NUP43: variants seen among roughly 807,000 people sequenced by gnomAD.
NUP43 encodes nucleoporin 43.
NUP43 carries 32 observed loss-of-function variants against 47.3 expected under a neutral mutation model. That is an observed-to-expected ratio of 0.68 (90% CI 0.51 to 0.91). The LOEUF (loss-of-function observed/expected upper bound fraction) is 0.91, where lower values mean the gene tolerates loss of function less well. Ranked by LOEUF, NUP43 falls within the 40% of genes least tolerant of loss-of-function variation. NUP43 has a pLI of 0.00. For synonymous variants in NUP43, 147 were observed against 158.4 expected (o/e 0.93, Z 0.54); for missense variants, 444 against 453.9 (o/e 0.98, Z 0.20).
At position 149,727,131 on chromosome 6, in the gene NUP43, A is replaced by T. The variant is rs148216839; in HGVS notation, c.981T>A (p.Ile327=). The change falls in exon 8 of 8, where the codon ATT becomes ATA. Residue 327 remains isoleucine (I), a synonymous_variant. Transcript: ENST00000340413. ...CAGGATCAGTGCTGAGCCAGGAGCTAATGACAGACTGGTGAACATTAGCTT... is the reference window on the plus strand; with the variant it reads ...CAGGATCAGTGCTGAGCCAGGAGCTTATGACAGACTGGTGAACATTAGCTT... ...SNQANVHQSV[I]SSWLSTDPAK... The T allele has an allele frequency of 6.2e-7, 1 of 1,614,166 alleles. No individual in the cohort carries two copies.
Position 149,745,936 on chromosome 6 carries a change from T to C in NUP43, c.243+4A>G. 6.2e-7 allele frequency: 1 copy of C among 1,607,406 alleles called. No individual in the cohort carries two copies. Among genetic ancestry groups the C allele is most frequent in the Admixed American group, 1.7e-5 (1 of 58,282 alleles). The stretch of plus-strand genomic sequence containing the variant: ...GTTAGCTTTTGGATGCTACACAGAT[T>C]TACCTGTAAATCCATTACATCACCA... On this transcript the variant is annotated splice_donor_region_variant and intron_variant, in intron 2 of 7. Transcript: ENST00000340413.
At position 149,731,711 on chromosome 6, in the gene NUP43, G is replaced by C. The variant is rs756524726; in HGVS notation, c.815C>G (p.Ser272Cys). ...GCAGGTAAAAAGATGTTCTGGGTTGGATGGGTGAAAGTGAACTTCCCACAC... is the reference window on the plus strand; with the variant it reads ...GCAGGTAAAAAGATGTTCTGGGTTGCATGGGTGAAAGTGAACTTCCCACAC... ...AEMWEVHFHPSNPEHLFTCSE... is the reference protein window; with the variant it reads ...AEMWEVHFHPCNPEHLFTCSE... The change falls in exon 7 of 8, where the codon TCC becomes TGC. Residue 272 changes from serine to cysteine, a missense_variant. Ser to Cys is a moderately radical substitution (Grantham distance 112). Transcript: ENST00000340413. 6.9e-5 allele frequency: 111 copies of C among 1,613,750 alleles called. No individual in the cohort carries two copies. The highest frequency in any genetic ancestry group is 8.7e-5 in the Non-Finnish European group (103 of 1,179,814).
intron 6 of NUP43, among the ~76,000 whole-genome samples, chr6:149,732,382 C>G (rs1785101459): frequency 6.7e-6 from 1 of 150,180 alleles, no homozygotes; most frequent in Non-Finnish European, 1.5e-5. Context: ...TCCGTCTCTA[C>G]TAAAAATACT....
intron 6 of NUP43, among the ~76,000 whole-genome samples, chr6:149,735,967 T>C (rs1177706100): frequency 9.2e-6 from 1 of 108,278 alleles, no homozygotes; most frequent in Non-Finnish European, 1.8e-5. Flanking sequence ...AACCAGACCC[T>C]GTCTCTTTAA....
In NUP43 at chr6:149,729,408, T is replaced by C. The variant is rs1018929813; in HGVS notation, c.913+2205A>G. 13 of 401,610 alleles carry C rather than the reference T, an allele frequency of 3.2e-5. No individual in the cohort carries two copies. In the East Asian group the frequency reaches 2.0e-3, roughly 61 times the overall value. The allele number at this position is 401,610 out of a possible 1,614,324, so 24.9% of individuals were successfully genotyped here. ...AGATGGGCCTTGCCAATAGCAGGTA[T>C]TAATGGTGGGTGACTGGAAGGCGGA... On this transcript the variant is annotated intron_variant, in intron 7 of 7. Coordinates refer to ENST00000340413, the MANE Select transcript of NUP43 (RefSeq NM_198887.3).
In NUP43 at chr6:149,727,066, C is replaced by T; in HGVS notation, c.1046G>A (p.Arg349Lys). 1 of 1,614,092 alleles carries T rather than the reference C, an allele frequency of 6.2e-7. No homozygotes were observed. The highest frequency in any genetic ancestry group is 1.6e-4 in the Middle Eastern group (1 of 6,062). ...ATCCAAAGTGTTCACAGACAGAGACCTACTGGGAAGTAAGCTTGTGATTTC... is the reference window on the plus strand; with the variant it reads ...ATCCAAAGTGTTCACAGACAGAGACTTACTGGGAAGTAAGCTTGTGATTTC... ...RIEITSLLPS[R>K]SLSVNTLDVL... The change falls in exon 8 of 8, where the codon AGG becomes AAG. Residue 349 changes from arginine (R) to lysine (K), a missense_variant. Arg to Lys is a conservative substitution (Grantham distance 26). Coordinates refer to ENST00000340413, the MANE Select transcript of NUP43 (RefSeq NM_198887.3).
intron 6 of NUP43, among the ~76,000 whole-genome samples, chr6:149,735,848 C>CTA (rs1785307864): frequency 6.6e-6 from 1 of 151,358 alleles, no homozygotes; most frequent in African/African-American, 2.4e-5. Context: ...TGACACACAC[C>CTA]TATAGTCCTA....
At chr6:149,728,536 C>T in intron 7 of NUP43, 1 of 580,562 alleles carries the variant, frequency 1.7e-6, no homozygotes, top group Non-Finnish European at 2.2e-6. Context: ...TTTACTGCCC[C>T]TACATTTTAC....
chr6:149,742,653 T>C (rs1785729415), intron 3 of NUP43, 83 bp from the exon 4 acceptor site: 1 of 977,194 alleles, frequency 1.0e-6, no homozygotes. Context: ...CTTTAAATTC[T>C]GACTCACACC....
chr6:149,743,942 T>A (rs1263253113), intron 2 of NUP43, among the ~76,000 whole-genome samples: 1 of 152,216 alleles, frequency 6.6e-6, no homozygotes, highest in Non-Finnish European at 1.5e-5. Flanking sequence ...CACCCACAAT[T>A]GATTTAATTT....
At chr6:149,733,692 T>TGA (rs1344239004) in intron 6 of NUP43, among the ~76,000 whole-genome samples, 1 of 152,092 alleles carries the variant, frequency 6.6e-6, no homozygotes, top group East Asian at 1.9e-4. Flanking sequence ...GAGATCTGTT[T>TGA]GCCTTGGACT....
chr6:149,740,906 T>C (rs963788969), intron 4 of NUP43, among the ~76,000 whole-genome samples: 2 of 152,170 alleles, frequency 1.3e-5, no homozygotes, highest in African/African-American at 4.8e-5. Flanking sequence ...CGGGTCAAAC[T>C]ATACTTTTTG....
chr6:149,743,995 TG>T (rs892715778), intron 2 of NUP43, among the ~76,000 whole-genome samples: 1 of 152,192 alleles, frequency 6.6e-6, no homozygotes, highest in Non-Finnish European at 1.5e-5. Flanking sequence ...TATTCCTGGC[TG>T]GGTGCAGTGG....
rs1784809203 is a variant in NUP43, at chr6:149,726,827, A to G, written c.*142T>C. ...GGGAGTGTCAGGCTAACAAAAGTCAAAACTGGGCATTGACATTAATGGTAG... is the reference window on the plus strand; with the variant it reads ...GGGAGTGTCAGGCTAACAAAAGTCAGAACTGGGCATTGACATTAATGGTAG... On this transcript the variant is annotated 3_prime_UTR_variant, in exon 8 of 8. Transcript: ENST00000340413. 1 of 657,522 alleles carries G rather than the reference A, an allele frequency of 1.5e-6. No homozygotes were observed. Among genetic ancestry groups the G allele is most frequent in the East Asian group, 2.7e-5 (1 of 36,690 alleles). 40.7% of individuals were successfully genotyped at this position (657,522 alleles called of 1,614,324 possible). A position where few individuals can be genotyped will look rare whatever the true frequency, so the allele number is the denominator to read the frequency against.
intron 7 of NUP43, among the ~76,000 whole-genome samples, chr6:149,728,716 C>T (rs1216363032): frequency 6.6e-6 from 1 of 152,164 alleles, no homozygotes; most frequent in African/African-American, 2.4e-5. Flanking sequence ...TATCTCCCAC[C>T]ACTGTACCCT....
chr6:149,744,472 G>A (rs578229342), intron 2 of NUP43, among the ~76,000 whole-genome samples: 3 of 149,692 alleles, frequency 2.0e-5, no homozygotes, highest in East Asian at 4.0e-4. Context: ...GCAGTGAGCC[G>A]AGATCGAGCC....
In NUP43 at chr6:149,724,707, C is replaced by G. The variant is rs926371689; in HGVS notation, c.*2262G>C. ...TGAGCAATTCTCCTGCCTCAGCCTC[C>G]CAAGTAGCTGGGATTATAGATGCCT... is the stretch of plus-strand genomic sequence containing the variant. On this transcript the variant is annotated 3_prime_UTR_variant, in exon 8 of 8. Transcript: ENST00000340413. 2 of 152,154 alleles carry G rather than the reference C, an allele frequency of 1.3e-5. No individual in the cohort carries two copies. Among genetic ancestry groups the G allele is most frequent in the African/African-American group, 4.8e-5 (2 of 41,426 alleles). 9.4% of individuals were successfully genotyped at this position (152,154 alleles called of 1,614,324 possible).
chr6:149,726,905 A>G lies in NUP43; in HGVS notation c.*64T>C. ...GTATTTTCTGATACTAAAATTTTGC[A>G]CAGAAGTTGGATTTCAAAAGGCTAA... On this transcript the variant is annotated 3_prime_UTR_variant, in exon 8 of 8. Coordinates refer to ENST00000340413, the MANE Select transcript of NUP43 (RefSeq NM_198887.3). 7.7e-7 allele frequency: 1 copy of G among 1,290,566 alleles called. No homozygotes were observed. The highest frequency in any genetic ancestry group is 1.5e-5 in the African/African-American group (1 of 67,116). The allele number at this position is 1,290,566 out of a possible 1,614,324, so 79.9% of individuals were successfully genotyped here.
At position 149,730,820 on chromosome 6, in the gene NUP43, C is replaced by T. The variant is rs116120646; in HGVS notation, c.913+793G>A. ...GGTTGTGGTTGCAAGCATCTCTGGTCTTAGCTATTTGGGAGGCTGGGGCAG... is the reference window on the plus strand; with the variant it reads ...GGTTGTGGTTGCAAGCATCTCTGGTTTTAGCTATTTGGGAGGCTGGGGCAG... On this transcript the variant is annotated intron_variant, in intron 7 of 7. Coordinates refer to ENST00000340413, the MANE Select transcript of NUP43 (RefSeq NM_198887.3). Among the ~76,000 whole-genome samples, 237 of 151,944 alleles carry T rather than the reference C, an allele frequency of 1.6e-3. 1 individual carries two copies. Among genetic ancestry groups the T allele is most frequent in the African/African-American group, 5.4e-3 (223 of 41,456 alleles).
Sources: allele counts gnomAD v4.1 joint callset (sites outside exome capture counted in the v4.1 genomes callset), GRCh38; gene constraint gnomAD v4.1.1; transcripts MANE v1.5; gene names NCBI Gene and HGNC (gene_info 2026-07-23, HGNC 2026-07-21).